The following SLC30A8 variants were observed in gnomAD, a reference collection of about 807,000 sequenced individuals.
SLC30A8 encodes solute carrier family 30 member 8.
SLC30A8 carries 27 observed loss-of-function variants against 36.9 expected under a neutral mutation model. That is an observed-to-expected ratio of 0.73 (90% CI 0.54 to 1.01). The LOEUF (loss-of-function observed/expected upper bound fraction) is 1.01. Ranked by LOEUF, SLC30A8 falls within the 50% of genes least tolerant of loss-of-function variation. The probability of loss-of-function intolerance (pLI) is 0.00; values close to 1 mark genes in which losing one functional copy is unlikely to be tolerated. For missense variants in SLC30A8, 439 were observed against 452.0 expected, an observed-to-expected ratio of 0.97 and a Z score of 0.26; for synonymous variants, 164 against 172.4, an observed-to-expected ratio of 0.95 and a Z score of 0.38.
chr8:117,073,726 GT>G (rs1277746394), intron 2 of SLC30A8, among the ~76,000 whole-genome samples: 1 of 152,072 alleles, frequency 6.6e-6, no homozygotes, highest in Non-Finnish European at 1.5e-5. Context: ...TTACTTATAA[GT>G]TTAAACCAGT....
chr8:117,092,203 G>A lies in SLC30A8; in HGVS notation c.-225-43077G>A, dbSNP rs12675000. On this transcript the variant is annotated intron_variant, in intron 2 of 10. Transcript: ENST00000427715. ...TCTGGTAAAAACAAAATACAAATACGTGACTTACGAAATACAAATTATATT... is the reference window on the plus strand; with the variant it reads ...TCTGGTAAAAACAAAATACAAATACATGACTTACGAAATACAAATTATATT... Among the ~76,000 whole-genome samples the A allele has an allele frequency of 9.4e-4, 143 of 152,236 alleles. No homozygotes were observed. In the East Asian group the frequency reaches 0.024, roughly 25 times the overall value.
chr8:117,085,507 C>A (rs954944429), intron 2 of SLC30A8, among the ~76,000 whole-genome samples: 1 of 152,188 alleles, frequency 6.6e-6, no homozygotes, highest in African/African-American at 2.4e-5. Context: ...TGAAGCAACT[C>A]ACTCTAAAAC....
intron 1 of SLC30A8, among the ~76,000 whole-genome samples, chr8:116,991,747 G>C (rs1436470119): frequency 6.6e-6 from 1 of 151,848 alleles, no homozygotes; most frequent in Non-Finnish European, 1.5e-5. Context: ...TTTTCCCCTT[G>C]CTGATATTTG....
chr8:117,053,082 T>C (rs773958494), intron 2 of SLC30A8, among the ~76,000 whole-genome samples: 20 of 151,818 alleles, frequency 1.3e-4, no homozygotes, highest in Non-Finnish European at 2.6e-4. Flanking sequence ...CCCGGCTAAG[T>C]TTTTGTATTT....
At chr8:117,069,751 C>T (rs1818271799) in intron 2 of SLC30A8, among the ~76,000 whole-genome samples, 1 of 152,204 alleles carries the variant, frequency 6.6e-6, no homozygotes, top group Non-Finnish European at 1.5e-5. Context: ...GTAAAACCCA[C>T]AAGTCCTTGC....
chr8:117,028,901 A>T (rs1816951956), intron 1 of SLC30A8, among the ~76,000 whole-genome samples: 1 of 152,108 alleles, frequency 6.6e-6, no homozygotes. Flanking sequence ...ACTAGAAAGA[A>T]ATCAGTATGA....
At chr8:116,975,478 T>A (rs1012538512) in intron 1 of SLC30A8, among the ~76,000 whole-genome samples, 1 of 152,178 alleles carries the variant, frequency 6.6e-6, no homozygotes, top group African/African-American at 2.4e-5. Context: ...AAGTAGAAGG[T>A]AACCAAGGAA....
chr8:116,976,726 G>A (rs1035534436), intron 1 of SLC30A8, among the ~76,000 whole-genome samples: 1 of 152,028 alleles, frequency 6.6e-6, no homozygotes, highest in African/African-American at 2.4e-5. Context: ...GGGGTAGGGG[G>A]GTCTTACAAT....
chr8:117,070,976 TG>T (rs759228996), intron 2 of SLC30A8, among the ~76,000 whole-genome samples: 1 of 152,226 alleles, frequency 6.6e-6, no homozygotes, highest in Non-Finnish European at 1.5e-5. Context: ...TTTCATGTCT[TG>T]GCTACTGTGA....
Position 117,175,939 on chromosome 8 carries a change from G to A in SLC30A8, c.*3258G>A, listed in dbSNP as rs1007706987. 2 of 151,978 alleles carry A rather than the reference G, an allele frequency of 1.3e-5. No homozygotes were observed. The highest frequency in any genetic ancestry group is 2.4e-5 in the African/African-American group (1 of 41,398). The allele number at this position is 151,978 out of a possible 1,614,324, so 9.4% of individuals were successfully genotyped here. ...TTTCTGACTGTCTCTGAAAGCTTCC[G>A]CTTTTATCTTTGAAGAGCAGAATTG... is the stretch of plus-strand genomic sequence containing the variant. On this transcript the variant is annotated 3_prime_UTR_variant, in exon 8 of 8. Coordinates refer to ENST00000456015, the MANE Select transcript of SLC30A8 (RefSeq NM_173851.3).
chr8:117,074,009 C>T (rs1001624733), intron 2 of SLC30A8, among the ~76,000 whole-genome samples: 1 of 109,150 alleles, frequency 9.2e-6, no homozygotes, highest in Non-Finnish European at 1.7e-5. Context: ...AAGGCAGCAT[C>T]GTACTTGGTT....
At chr8:116,988,620 C>G (rs1436113063) in intron 1 of SLC30A8, among the ~76,000 whole-genome samples, 2 of 152,190 alleles carry the variant, frequency 1.3e-5, no homozygotes, top group Non-Finnish European at 2.9e-5. Context: ...TTCCTCTGAG[C>G]TTCCTTAATA....
At chr8:117,169,726 C>T (rs1342121595) in intron 6 of SLC30A8, among the ~76,000 whole-genome samples, 2 of 151,988 alleles carry the variant, frequency 1.3e-5, no homozygotes, top group African/African-American at 2.4e-5. Context: ...GGGGAGAAGG[C>T]ACGTCACATG....
At chr8:116,977,230 G>A (rs1229387839) in intron 1 of SLC30A8, among the ~76,000 whole-genome samples, 1 of 115,880 alleles carries the variant, frequency 8.6e-6, no homozygotes, top group Non-Finnish European at 1.7e-5. Flanking sequence ...TTCACTGCAA[G>A]CTCCGCCTCC....
At chr8:116,993,971 A>C (rs895417182) in intron 1 of SLC30A8, among the ~76,000 whole-genome samples, 1 of 152,000 alleles carries the variant, frequency 6.6e-6, no homozygotes, top group Non-Finnish European at 1.5e-5. Context: ...AAATTTAAAA[A>C]TCTTAGCATT....
intron 2 of SLC30A8, among the ~76,000 whole-genome samples, chr8:117,108,973 G>C (rs984816117): frequency 6.6e-6 from 1 of 152,086 alleles, no homozygotes; most frequent in African/African-American, 2.4e-5. Flanking sequence ...TTGCTCTCTG[G>C]CAGGCTTTTC....
chr8:117,160,440 CACATGT>C (rs1185203169), intron 4 of SLC30A8, among the ~76,000 whole-genome samples: 11 of 114,110 alleles, frequency 9.6e-5, no homozygotes, highest in African/African-American at 4.8e-4. Flanking sequence ...TGTGTGCGCG[CACATGT>C]GCGCGCGGTG....
intron 1 of SLC30A8, among the ~76,000 whole-genome samples, chr8:116,952,928 G>T (rs1814046186): frequency 6.7e-6 from 1 of 149,156 alleles, no homozygotes; most frequent in Admixed American, 6.7e-5. Context: ...TTTTACCTGG[G>T]TATATTGCGT....
intron 1 of SLC30A8, among the ~76,000 whole-genome samples, chr8:116,991,840 A>G (rs1380333327): frequency 6.6e-6 from 1 of 152,206 alleles, no homozygotes; most frequent in East Asian, 1.9e-4. Flanking sequence ...AGCCTAAGGA[A>G]TCATGCAAGG....
Sources: allele counts gnomAD v4.1 joint callset (sites outside exome capture counted in the v4.1 genomes callset), GRCh38; gene constraint gnomAD v4.1.1; transcripts MANE v1.5; gene names NCBI Gene and HGNC (gene_info 2026-07-23, HGNC 2026-07-21).